The following MBD6 variants were observed in gnomAD, a reference collection of about 807,000 sequenced individuals.
MBD6 encodes methyl-CpG binding domain protein 6, also known as methyl-CpG-binding domain protein 6.
A neutral mutation model predicts 66.8 loss-of-function variants in MBD6; 22 were observed. The observed-to-expected ratio is 0.33, with a 90% CI of 0.24 to 0.47. MBD6 has a LOEUF of 0.47. Ranked by LOEUF, MBD6 falls within the 20% of genes least tolerant of loss-of-function variation. The probability of loss-of-function intolerance (pLI) is 1.00; values close to 1 mark genes in which losing one functional copy is unlikely to be tolerated. For synonymous variants in MBD6, 540 were observed against 534.6 expected (o/e 1.01, Z -0.14); for missense variants, 1,322 against 1,286.9 (o/e 1.03, Z -0.42).
chr12:57,528,754 C>T, intron 11 of MBD6, 36 bp downstream of exon 11: 2 of 1,613,370 alleles, frequency 1.2e-6, no homozygotes, highest in South Asian at 1.1e-5. Context: ...TGGCCTTTGC[C>T]TACTTCTTTT....
Position 57,527,994 on chromosome 12 carries a change from G to T in MBD6, c.2383G>T (p.Ala795Ser). ...PPLSEASSPL[A>S]CLLQSLQIPP... is the part of the protein sequence containing the mutation. The stretch of plus-strand genomic sequence containing the variant: ...CCTCTCAGAGGCTTCTAGTCCCCTA[G>T]CCTGCCTGCTACAGAGTCTCCAGGT... Residue 795 changes from alanine to serine, a missense_variant, in exon 9 of 13, where the codon GCC becomes TCC. Ala to Ser is a moderately conservative substitution (Grantham distance 99). Transcript: ENST00000355673. 6.5e-7 allele frequency: 1 copy of T among 1,549,554 alleles called. No homozygotes were observed. Among genetic ancestry groups the T allele is most frequent in the Middle Eastern group, 1.7e-4 (1 of 5,724 alleles).
In MBD6 at chr12:57,527,059, G is replaced by A; in HGVS notation, c.1914G>A (p.Gly638=). Residue 638 remains glycine, a synonymous_variant, in exon 7 of 13, where the codon GGG becomes GGA. Coordinates refer to ENST00000355673, the MANE Select transcript of MBD6 (RefSeq NM_052897.4). ...LLALGPTAGD[G]EGSAEGAGGP... ...CTCTGGGCCCCACAGCTGGGGATGGGGAGGGATCTGCAGAGGGAGCCGGGG... is the reference window on the plus strand; with the variant it reads ...CTCTGGGCCCCACAGCTGGGGATGGAGAGGGATCTGCAGAGGGAGCCGGGG... The A allele has an allele frequency of 6.2e-7, 1 of 1,608,182 alleles. No homozygotes were observed. Among genetic ancestry groups the A allele is most frequent in the Non-Finnish European group, 8.5e-7 (1 of 1,175,890 alleles).
At chr12:57,531,270 T>G (rs968369515), downstream of MBD6, among the ~76,000 whole-genome samples, 1 of 152,010 alleles carries the variant, frequency 6.6e-6, no homozygotes, top group African/African-American at 2.4e-5. Flanking sequence ...GCCTGTAATC[T>G]CAGCACTTTG....
rs1404375402 is a variant in MBD6, at chr12:57,525,509, C to T, written c.541C>T (p.Pro181Ser). Residue 181 changes from proline (P) to serine (S), a missense_variant, in exon 6 of 13, where the codon CCT becomes TCT. Transcript: ENST00000355673. Reference protein sequence around the residue: ...VSQAFPTLAGPGGLFPPRLAD... With the variant: ...VSQAFPTLAGSGGLFPPRLAD... The stretch of plus-strand genomic sequence containing the variant: ...CCAGGCCTTTCCCACTCTAGCAGGC[C>T]CTGGGGGGCTTTTCCCCCCAAGGCT... 6.4e-7 allele frequency: 1 copy of T among 1,566,336 alleles called. No individual in the cohort carries two copies. Among genetic ancestry groups the T allele is most frequent in the African/African-American group, 1.4e-5 (1 of 73,226 alleles).
At position 57,527,892 on chromosome 12, in the gene MBD6, C is replaced by T; in HGVS notation, c.2281C>T (p.Leu761=). 2 of 1,613,924 alleles carry T rather than the reference C, an allele frequency of 1.2e-6. No homozygotes were observed. The change falls in exon 9 of 13, where the codon CTG becomes TTG. Residue 761 remains leucine (L), a synonymous_variant. Coordinates refer to ENST00000355673, the MANE Select transcript of MBD6 (RefSeq NM_052897.4). ...CAGCAGCCCTGGAGCCCTCCCCAGC[C>T]TGTTGCAGCCTCCTGGCCCTCTTCT... ...LTSSPGALPS[L]LQPPGPLLSG... is the part of the protein sequence containing the mutation.
rs1057396696 is a variant in MBD6 at position 57,526,012 on chromosome 12, C to G, written c.1044C>G (p.Ala348=). The G allele has an allele frequency of 9.9e-6, 16 of 1,613,806 alleles. No homozygotes were observed. The highest frequency in any genetic ancestry group is 1.4e-5 in the Non-Finnish European group (16 of 1,179,954). The part of the protein sequence containing the change: ...PSTLQGRRPR[A]QAPSASHSSS... ...CTTTACAGGGCCGAAGGCCCCGTGCCCAGGCACCCTCAGCTTCCCACTCCT... is the reference window on the plus strand; with the variant it reads ...CTTTACAGGGCCGAAGGCCCCGTGCGCAGGCACCCTCAGCTTCCCACTCCT... Residue 348 remains alanine (A), a synonymous_variant, in exon 6 of 13, where the codon GCC becomes GCG. Coordinates refer to ENST00000355673, the MANE Select transcript of MBD6 (RefSeq NM_052897.4).
chr12:57,530,454 C>T (rs904147079), downstream of MBD6: 11 of 466,710 alleles, frequency 2.4e-5, no homozygotes, highest in East Asian at 2.6e-4. Context: ...GCTGGGCCCA[C>T]GTCCTTATCC....
chr12:57,529,421 C>G lies in MBD6; in HGVS notation c.*187C>G, dbSNP rs1473939766. The G allele has an allele frequency of 1.5e-5, 8 of 540,364 alleles. No individual in the cohort carries two copies. The highest frequency in any genetic ancestry group is 4.2e-5 in the African/African-American group (2 of 47,898). 33.5% of individuals were successfully genotyped at this position (540,364 alleles called of 1,614,324 possible). A position where few individuals can be genotyped will look rare whatever the true frequency, so the allele number is the denominator to read the frequency against. On this transcript the variant is annotated 3_prime_UTR_variant, in exon 13 of 13. Transcript: ENST00000355673. ...ATTGCAGGGGGCAGGGAAGTTCACC[C>G]CCCCCCACCACCCCCCCGCCCCCCC...
intron 1 of MBD6, among the ~76,000 whole-genome samples, chr12:57,523,542 T>C (rs1412842490): frequency 6.6e-6 from 1 of 152,152 alleles, no homozygotes; most frequent in Admixed American, 6.5e-5. Flanking sequence ...AAGACCCGAA[T>C]GAACTATATC....
intron 6 of MBD6, 28 bp from the exon 7 acceptor site, chr12:57,526,538 T>G: frequency 2.0e-6 from 3 of 1,512,634 alleles, no homozygotes; most frequent in Non-Finnish European, 2.7e-6. Flanking sequence ...GGGCCTCCCT[T>G]GAGCTGAATT....
At position 57,524,816 on chromosome 12, in the gene MBD6, C is replaced by T; in HGVS notation, c.210C>T (p.Val70=). 1.9e-6 allele frequency: 3 copies of T among 1,614,172 alleles called. No homozygotes were observed. Among genetic ancestry groups the T allele is most frequent in the Non-Finnish European group, 2.5e-6 (3 of 1,179,992 alleles). The change falls in exon 4 of 13, where the codon GTC becomes GTT. Residue 70 remains valine (V), a synonymous_variant. Coordinates refer to ENST00000355673, the MANE Select transcript of MBD6 (RefSeq NM_052897.4). ...GCGGTCTGGAGTGTCCACTTAATGT[C>T]CCCAAGGTCAGAGTGGTGAGGGGCG... The part of the protein sequence containing the change: ...CKCGLECPLN[V]PKVFNFDPLA...
chr12:57,526,940 G>T lies in MBD6; in HGVS notation c.1795G>T (p.Val599Leu). The T allele has an allele frequency of 6.2e-7, 1 of 1,613,694 alleles. No individual in the cohort carries two copies. The highest frequency in any genetic ancestry group is 1.1e-5 in the South Asian group (1 of 91,072). Residue 599 changes from valine to leucine, a missense_variant, in exon 7 of 13, where the codon GTG becomes TTG. Physicochemically the swap from Val to Leu is conservative, Grantham distance 32 (BLOSUM62 1). Coordinates refer to ENST00000355673, the MANE Select transcript of MBD6 (RefSeq NM_052897.4). ...PGEPEGPSLL[V>L]ASLLPPPPSD... ...AGAGCCTGAAGGGCCTTCGCTTTTG[G>T]TGGCTTCCTTGCTTCCTCCACCACC... is the stretch of plus-strand genomic sequence containing the variant.
chr12:57,528,517 C>T lies in MBD6; in HGVS notation c.2777C>T (p.Pro926Leu), dbSNP rs1383848041. 6.2e-7 allele frequency: 1 copy of T among 1,613,468 alleles called. No homozygotes were observed. Among genetic ancestry groups the T allele is most frequent in the South Asian group, 1.1e-5 (1 of 91,034 alleles). ...GAGCTGGCTGAAGGGGGTGCTGAGC[C>T]CAAGGATCCACCCCCTCCCGGGCCC... ...NGELAEGGAE[P>L]KDPPPPGPHS... Residue 926 changes from proline to leucine, a missense_variant, in exon 10 of 13, where the codon CCC becomes CTC. Transcript: ENST00000355673.
downstream of MBD6, among the ~76,000 whole-genome samples, chr12:57,531,387 C>T (rs1037774635): frequency 3.3e-5 from 5 of 152,000 alleles, no homozygotes; most frequent in Non-Finnish European, 7.4e-5. Flanking sequence ...TGTGGTGGTG[C>T]GTGCCTGTAA....
Position 57,528,336 on chromosome 12 carries a change from A to T in MBD6, c.2596A>T (p.Arg866Trp). ...GGGCCGGAGGGGAGGAGGGGGACTT[A>T]GGGGCATTAATGGTGAGGCCAGGCC... The part of the protein sequence containing the change: ...KRGRRGGGGL[R>W]GINGEARPAR... The change falls in exon 10 of 13, where the codon AGG becomes TGG. Residue 866 changes from arginine to tryptophan, a missense_variant. Transcript: ENST00000355673. 2 of 1,610,914 alleles carry T rather than the reference A, an allele frequency of 1.2e-6. No homozygotes were observed. Among genetic ancestry groups the T allele is most frequent in the South Asian group, 1.1e-5 (1 of 90,870 alleles).
chr12:57,525,422 C>T lies in MBD6; in HGVS notation c.454C>T (p.Pro152Ser), dbSNP rs760611252. ...CTCTGCCCGCCCTCCCTGTCGAGTTCCTCCTACAACTCCACTTAATGGGGG... is the reference window on the plus strand; with the variant it reads ...CTCTGCCCGCCCTCCCTGTCGAGTTTCTCCTACAACTCCACTTAATGGGGG... The part of the protein sequence containing the change: ...PPSARPPCRV[P>S]PTTPLNGGPG... Residue 152 changes from proline to serine, a missense_variant, in exon 6 of 13, where the codon CCT (proline) becomes TCT (serine). Physicochemically the swap from Pro to Ser is moderately conservative, Grantham distance 74. Coordinates refer to ENST00000355673, the MANE Select transcript of MBD6 (RefSeq NM_052897.4). 2.0e-6 allele frequency: 3 copies of T among 1,535,804 alleles called. No homozygotes were observed. Among genetic ancestry groups the T allele is most frequent in the Non-Finnish European group, 1.7e-6 (2 of 1,148,380 alleles).
In MBD6 at chr12:57,528,259, C is replaced by T. The variant is rs762909073; in HGVS notation, c.2519C>T (p.Ser840Phe). Residue 840 changes from serine (S) to phenylalanine (F), a missense_variant, in exon 10 of 13, where the codon TCT becomes TTT. By Grantham distance (155) the Ser-to-Phe change is radical (BLOSUM62 -2). Coordinates refer to ENST00000355673, the MANE Select transcript of MBD6 (RefSeq NM_052897.4). ...AGTGCCTTAGCCCCACCCCATGGTT[C>T]TCCCGACCCCCCAGTCCCTGAGCTG... ...PLSALAPPHG[S>F]PDPPVPELLT... 9 of 1,605,222 alleles carry T rather than the reference C, an allele frequency of 5.6e-6. No homozygotes were observed. Among genetic ancestry groups the T allele is most frequent in the East Asian group, 2.2e-5 (1 of 44,844 alleles).
chr12:57,528,700 G>A lies in MBD6; in HGVS notation c.2855G>A (p.Gly952Asp), dbSNP rs757595706. The A allele has an allele frequency of 6.2e-7, 1 of 1,614,200 alleles. No individual in the cohort carries two copies. The highest frequency in any genetic ancestry group is 1.1e-5 in the South Asian group (1 of 91,082). Residue 952 changes from glycine (G) to aspartate (D), a missense_variant, in exon 11 of 13, where the codon GGC becomes GAC. Coordinates refer to ENST00000355673, the MANE Select transcript of MBD6 (RefSeq NM_052897.4). ...GGAGTAGTCAGAAAGTCTCGTCGTG[G>A]CCGTAGGAGAAAATACAAGTGAGTG... ...PPGVVRKSRR[G>D]RRRKYNPTRN...
intron 11 of MBD6, 23 bp from the exon 12 acceptor site, chr12:57,528,923 A>G: frequency 6.2e-7 from 1 of 1,614,072 alleles, no homozygotes; most frequent in Non-Finnish European, 8.5e-7. Context: ...GCTGTTCCTG[A>G]TCATCTGTGC....
Sources: gnomAD v4.1 joint callset for allele counts (sites outside exome capture counted in the v4.1 genomes callset) on GRCh38, gnomAD v4.1.1 for gene constraint, MANE v1.5 for transcripts, NCBI Gene and HGNC (gene_info 2026-07-23, HGNC 2026-07-21) for gene names.